NRXN1: variants seen among roughly 807,000 people sequenced by gnomAD.
NRXN1 encodes the protein neurexin-1.
Under a neutral mutation model 150.9 loss-of-function variants are expected in NRXN1, and 39 were observed. That is an observed-to-expected ratio of 0.26 (90% CI 0.20 to 0.34). The LOEUF (loss-of-function observed/expected upper bound fraction) is 0.34, where lower values mean the gene tolerates loss of function less well. NRXN1 is among the 10% of genes least tolerant of loss of function. The probability of loss-of-function intolerance (pLI) is 1.00; values close to 1 mark genes in which losing one functional copy is unlikely to be tolerated. For synonymous variants in NRXN1, 924 were observed against 757.0 expected, an observed-to-expected ratio of 1.22 and a Z score of -3.62; for missense variants, 1,815 against 1,949.9, an observed-to-expected ratio of 0.93 and a Z score of 1.30.
intron 18 of NRXN1, among the ~76,000 whole-genome samples, chr2:50,232,111 A>G (rs1257467558): frequency 6.6e-6 from 1 of 152,082 alleles, no homozygotes; most frequent in East Asian, 1.9e-4. Context: ...CAAGACAGAA[A>G]AATACCAAGA....
chr2:50,194,822 GA>G lies in NRXN1; in HGVS notation c.3546+41966del, dbSNP rs1279709378. On this transcript the variant is annotated intron_variant, in intron 18 of 22. Transcript: ENST00000401669. ...CATGCATGAACTGGTCTAATTTAAA[GA>G]GATTTCTTTGAGTGATCTGTCATTT... Among the ~76,000 whole-genome samples, 3 of 152,110 alleles carry G rather than the reference GA, an allele frequency of 2.0e-5. No homozygotes were observed. In the East Asian group the frequency reaches 5.8e-4, roughly 29 times the overall value.
intron 5 of NRXN1, among the ~76,000 whole-genome samples, chr2:50,771,426 A>G (rs1702999097): frequency 6.6e-6 from 1 of 152,128 alleles, no homozygotes; most frequent in Admixed American, 6.6e-5. Context: ...TACTTTTTAT[A>G]AAATAGGAAT....
Position 51,026,474 on chromosome 2 carries a change from A to G in NRXN1, c.772+1028T>C, listed in dbSNP as rs1001754925. ...ACTGAAGACCGAATTTTATTTCTAA[A>G]GAGGAGAAAAGAGAACTTAGGTATG... On this transcript the variant is annotated intron_variant, in intron 2 of 22. Coordinates refer to ENST00000401669, the MANE Select transcript of NRXN1 (RefSeq NM_001330078.2). 2.5e-6 allele frequency: 4 copies of G among 1,572,170 alleles called. No homozygotes were observed. Among genetic ancestry groups the G allele is most frequent in the Non-Finnish European group, 8.7e-7 (1 of 1,150,672 alleles).
intron 18 of NRXN1, among the ~76,000 whole-genome samples, chr2:50,177,402 G>A (rs1167570964): frequency 6.6e-6 from 1 of 151,738 alleles, no homozygotes; most frequent in Non-Finnish European, 1.5e-5. Flanking sequence ...CAGCATAAAT[G>A]TTTATTTTCT....
At chr2:50,395,420 A>T (rs1041594445) in intron 17 of NRXN1, among the ~76,000 whole-genome samples, 1 of 151,534 alleles carries the variant, frequency 6.6e-6, no homozygotes, top group Non-Finnish European at 1.5e-5. Context: ...ATAAAAAAGA[A>T]TTTTTTTCTA....
In NRXN1 at chr2:50,647,201, CGGAAACTTACAGATAGTA is replaced by C. The variant is rs1684953511; in HGVS notation, c.833-23604_833-23587del. Among the ~76,000 whole-genome samples, 4 of 151,758 alleles carry C rather than the reference CGGAAACTTACAGATAGTA, an allele frequency of 2.6e-5. No homozygotes were observed. The Middle Eastern group carries it at 0.01, about 387-fold the overall frequency. On this transcript the variant is annotated intron_variant, in intron 5 of 22. Transcript: ENST00000401669. ...AGAGTGTCTTGAAGAAGAAAAAAAGCGGAAACTTACAGATAGTAGGCCCAGGGAAAATATAAATTATTT... is the reference window on the plus strand; with the variant it reads ...AGAGTGTCTTGAAGAAGAAAAAAAGCGGCCCAGGGAAAATATAAATTATTT...
intron 5 of NRXN1, chr2:50,898,707 C>G: frequency 2.9e-6 from 1 of 348,012 alleles, no homozygotes; most frequent in Admixed American, 3.8e-5. Context: ...ATAAAAAGCA[C>G]ATTTATAATT....
intron 2 of NRXN1, among the ~76,000 whole-genome samples, chr2:51,002,400 C>G (rs573342908): frequency 6.6e-6 from 1 of 151,928 alleles, no homozygotes; most frequent in African/African-American, 2.4e-5. Context: ...TCGTAGAAAA[C>G]AGAATCTTAT....
chr2:50,330,382 G>A (rs1374262781), intron 17 of NRXN1, among the ~76,000 whole-genome samples: 1 of 151,976 alleles, frequency 6.6e-6, no homozygotes, highest in African/African-American at 2.4e-5. Flanking sequence ...TAAAGAGTTC[G>A]ACAGAAAGAA....
At chr2:50,225,642 G>A (rs534813904) in intron 18 of NRXN1, among the ~76,000 whole-genome samples, 1 of 151,916 alleles carries the variant, frequency 6.6e-6, no homozygotes, top group Non-Finnish European at 1.5e-5. Context: ...AAAAGAGAAG[G>A]ACAGGTAGGA....
At chr2:50,996,865 G>A (rs906299760) in intron 2 of NRXN1, among the ~76,000 whole-genome samples, 18 of 152,070 alleles carry the variant, frequency 1.2e-4, no homozygotes, top group East Asian at 3.9e-4. Context: ...TTCACATGGC[G>A]TAGGTTTCAT....
intron 12 of NRXN1, among the ~76,000 whole-genome samples, chr2:50,509,704 C>A (rs913211884): frequency 4.6e-5 from 7 of 152,162 alleles, no homozygotes; most frequent in African/African-American, 1.7e-4. Flanking sequence ...ATTATAGTAA[C>A]TTCAAGCTGT....
intron 19 of NRXN1, among the ~76,000 whole-genome samples, chr2:50,085,818 T>C (rs897985166): frequency 2.0e-5 from 3 of 152,180 alleles, no homozygotes; most frequent in African/African-American, 4.8e-5. Flanking sequence ...CATCGACTGA[T>C]ACAGTTAGGA....
At chr2:50,787,649 A>C (rs1245691918) in intron 5 of NRXN1, among the ~76,000 whole-genome samples, 1 of 152,012 alleles carries the variant, frequency 6.6e-6, no homozygotes, top group Non-Finnish European at 1.5e-5. Flanking sequence ...TTACCAAGTA[A>C]TTTAAGGTGA....
chr2:50,091,521 T>A (rs1283804384), intron 18 of NRXN1, 27 bp from the exon 19 acceptor site: 3 of 1,609,092 alleles, frequency 1.9e-6, no homozygotes, highest in Admixed American at 3.3e-5. Context: ...GAAAAAAGAG[T>A]TGAATTAAGT....
intron 2 of NRXN1, among the ~76,000 whole-genome samples, chr2:50,998,182 T>G (rs1185897252): frequency 1.4e-5 from 2 of 141,650 alleles, no homozygotes; most frequent in Admixed American, 6.8e-5. Flanking sequence ...ACTAACATTT[T>G]AACTCAGCTA....
At chr2:50,338,892 T>G (rs1397267460) in intron 17 of NRXN1, among the ~76,000 whole-genome samples, 60 of 152,144 alleles carry the variant, frequency 3.9e-4, no homozygotes, top group Admixed American at 3.9e-3. Flanking sequence ...CTTTAGATTT[T>G]TCAGTCTTAA....
rs548593321 is a variant in NRXN1 at position 50,020,287 on chromosome 2, CTT to C, written c.4128+32982_4128+32983del. On this transcript the variant is annotated intron_variant, in intron 21 of 22. Transcript: ENST00000401669. The stretch of plus-strand genomic sequence containing the variant: ...TATCCTGTTCTTAAATGGTTTTACT[CTT>C]TGTTATATTCATTCTAATTAAACTG... Among the ~76,000 whole-genome samples, 715 of 152,244 alleles carry C rather than the reference CTT, an allele frequency of 4.7e-3. 8 individuals carry two copies. The highest frequency in any genetic ancestry group is 0.016 in the African/African-American group (670 of 41,570).
intron 21 of NRXN1, among the ~76,000 whole-genome samples, chr2:49,979,672 T>G (rs1679637098): frequency 6.6e-6 from 1 of 152,210 alleles, no homozygotes; most frequent in South Asian, 2.1e-4. Context: ...TTGGACTGTT[T>G]TCAGTTTTTA....
Sources: gnomAD v4.1 joint callset for allele counts (sites outside exome capture counted in the v4.1 genomes callset) on GRCh38, gnomAD v4.1.1 for gene constraint, MANE v1.5 for transcripts, NCBI Gene and HGNC (gene_info 2026-07-23, HGNC 2026-07-21) for gene names.